Variants in SNX29 observed in about 807,000 individuals in gnomAD.
The protein encoded by SNX29 is sorting nexin-29.
SNX29 carries 78 observed loss-of-function variants against 102.1 expected under a neutral mutation model. The observed-to-expected ratio is 0.76, with a 90% confidence interval of 0.64 to 0.92. The LOEUF (loss-of-function observed/expected upper bound fraction) is 0.92, where lower values mean the gene tolerates loss of function less well. Ranked by LOEUF, SNX29 falls within the 40% of genes least tolerant of loss-of-function variation. The pLI, the probability that SNX29 is intolerant of heterozygous loss-of-function variation, is 0.00. For synonymous variants in SNX29, 580 were observed against 414.5 expected (o/e 1.40, Z -4.85); for missense variants, 1,280 against 1,061.7 (o/e 1.21, Z -2.86).
chr16:12,435,716 C>G (rs1312280994), intron 18 of SNX29, among the ~76,000 whole-genome samples: 2 of 152,178 alleles, frequency 1.3e-5, no homozygotes, highest in Non-Finnish European at 2.9e-5. Flanking sequence ...TTGCTTTGCT[C>G]CTAGAAGGCC....
At chr16:12,370,951 C>G (rs1356491105) in intron 16 of SNX29, among the ~76,000 whole-genome samples, 1 of 152,234 alleles carries the variant, frequency 6.6e-6, no homozygotes, top group African/African-American at 2.4e-5. Flanking sequence ...ATAACCTCTT[C>G]TTGAGGGGTG....
intron 19 of SNX29, among the ~76,000 whole-genome samples, chr16:12,520,459 A>C (rs1479572181): frequency 6.6e-6 from 1 of 152,206 alleles, no homozygotes; most frequent in Admixed American, 6.5e-5. Flanking sequence ...CCCTTTGTGC[A>C]AGTTCCTCAC....
intron 8 of SNX29, chr16:12,052,884 A>G (rs1476236487): frequency 3.2e-5 from 5 of 154,050 alleles, no homozygotes; most frequent in Non-Finnish European, 7.2e-5. Context: ...ACTTGCCACT[A>G]GCACAGGAAG....
chr16:12,185,543 G>C (rs2141863439), intron 13 of SNX29, among the ~76,000 whole-genome samples: 1 of 152,250 alleles, frequency 6.6e-6, no homozygotes, highest in South Asian at 2.1e-4. Context: ...TTGGATACGT[G>C]GTGATGGTCC....
intron 14 of SNX29, among the ~76,000 whole-genome samples, chr16:12,242,361 A>C (rs1010892355): frequency 7.5e-6 from 1 of 132,548 alleles, no homozygotes; most frequent in Non-Finnish European, 1.6e-5. Flanking sequence ...TAATATATAT[A>C]TATATATTTT....
At chr16:12,539,884 C>CTGTT (rs1330480641) in intron 20 of SNX29, among the ~76,000 whole-genome samples, 4 of 152,142 alleles carry the variant, frequency 2.6e-5, no homozygotes, top group African/African-American at 9.7e-5. Flanking sequence ...AGAAACTAGG[C>CTGTT]TGTTTGTGGT....
At chr16:12,280,319 A>C (rs964634369) in intron 15 of SNX29, among the ~76,000 whole-genome samples, 3 of 152,142 alleles carry the variant, frequency 2.0e-5, no homozygotes, top group African/African-American at 7.2e-5. Context: ...TGCTTTGACC[A>C]TGTGAAAATC....
chr16:12,502,736 T>C (rs2089185900), intron 19 of SNX29, among the ~76,000 whole-genome samples: 1 of 152,244 alleles, frequency 6.6e-6, no homozygotes, highest in Non-Finnish European at 1.5e-5. Flanking sequence ...AAATGTGAAC[T>C]TAGATGACAA....
chr16:12,035,589 T>G (rs2057451831), intron 4 of SNX29, among the ~76,000 whole-genome samples: 1 of 152,304 alleles, frequency 6.6e-6, no homozygotes, highest in East Asian at 1.9e-4. Context: ...GTGACAGATT[T>G]GGGAGCACTT....
Position 12,573,259 on chromosome 16 carries a change from T to G in SNX29, c.*4630T>G, listed in dbSNP as rs542340378. On this transcript the variant is annotated 3_prime_UTR_variant, in exon 21 of 21. Transcript: ENST00000566228. The stretch of plus-strand genomic sequence containing the variant: ...TGTTGAAATGTACCTCGATCAGTCA[T>G]CTCTGGTATTCCTCACTCTAGCCAT... 5.3e-5 allele frequency: 12 copies of G among 227,410 alleles called. No homozygotes were observed. The East Asian group carries it at 7.6e-4, about 14-fold the overall frequency. The allele number at this position is 227,410 out of a possible 1,614,324, so 14.1% of individuals were successfully genotyped here.
Position 12,573,532 on chromosome 16 carries a change from G to A in SNX29, c.*4903G>A. The A allele has an allele frequency of 4.4e-6, 1 of 224,880 alleles. No individual in the cohort carries two copies. The highest frequency in any genetic ancestry group is 8.9e-6 in the Non-Finnish European group (1 of 112,820). 13.9% of individuals were successfully genotyped at this position (224,880 alleles called of 1,614,324 possible). Reference sequence around the variant, plus strand: ...AGGCCCAGGGATTTAGTTCTTACTGGTGCGTAAGTGTTTTCCCATCCTAAC... The same window carrying A: ...AGGCCCAGGGATTTAGTTCTTACTGATGCGTAAGTGTTTTCCCATCCTAAC... On this transcript the variant is annotated 3_prime_UTR_variant, in exon 21 of 21. Coordinates refer to ENST00000566228, the MANE Select transcript of SNX29 (RefSeq NM_032167.5).
chr16:12,093,208 C>T (rs13336687), intron 11 of SNX29, among the ~76,000 whole-genome samples: 34,822 of 152,146 alleles, frequency 0.23, 4,029 homozygotes, highest in African/African-American at 0.27. Context: ...CTGCACTTTA[C>T]ACATCCTTTA....
chr16:11,994,653 T>G lies in SNX29; in HGVS notation c.8-4644T>G, dbSNP rs138644328. On this transcript the variant is annotated intron_variant, in intron 1 of 20. Transcript: ENST00000566228. ...CTTTGTCAAGGATTAAATAGGTCAT[T>G]TAATGACTTAGCCTGTGGTTGGGAT... Among the ~76,000 whole-genome samples, 6 of 152,346 alleles carry G rather than the reference T, an allele frequency of 3.9e-5. No individual in the cohort carries two copies. The East Asian group carries it at 1.2e-3, about 29-fold the overall frequency.
chr16:12,517,829 G>A (rs1036096193), intron 19 of SNX29, among the ~76,000 whole-genome samples: 2 of 152,076 alleles, frequency 1.3e-5, no homozygotes, highest in Non-Finnish European at 2.9e-5. Flanking sequence ...GACCTCCACT[G>A]GCATGTCCCG....
intron 11 of SNX29, among the ~76,000 whole-genome samples, chr16:12,099,492 T>G (rs887472922): frequency 6.6e-6 from 1 of 152,186 alleles, no homozygotes; most frequent in African/African-American, 2.4e-5. Flanking sequence ...CAGTATTTAG[T>G]GACCTAAACA....
intron 17 of SNX29, 58 bp downstream of exon 17, chr16:12,398,559 C>T: frequency 6.3e-7 from 1 of 1,591,290 alleles, no homozygotes; most frequent in Non-Finnish European, 8.6e-7. Flanking sequence ...CTGTTGTTGG[C>T]TTCTGTCCCA....
chr16:12,403,977 G>A (rs181873100), intron 18 of SNX29, among the ~76,000 whole-genome samples: 42 of 152,254 alleles, frequency 2.8e-4, no homozygotes, highest in Admixed American at 1.2e-3. Flanking sequence ...TTCTCAGCCT[G>A]GAAGGGCGGG....
chr16:12,483,112 A>G (rs1399264430), intron 19 of SNX29, among the ~76,000 whole-genome samples: 1 of 71,460 alleles, frequency 1.4e-5, no homozygotes, highest in African/African-American at 6.0e-5. Context: ...TGAAGTTATT[A>G]AGTTTTTTTT....
intron 18 of SNX29, among the ~76,000 whole-genome samples, chr16:12,404,058 G>A (rs1034642128): frequency 1.3e-5 from 2 of 152,146 alleles, no homozygotes; most frequent in African/African-American, 2.4e-5. Flanking sequence ...TCTGTGACTG[G>A]CCTGATTCAG....
Sources: gnomAD v4.1 joint callset for allele counts (sites outside exome capture counted in the v4.1 genomes callset) on GRCh38, gnomAD v4.1.1 for gene constraint, MANE v1.5 for transcripts, NCBI Gene and HGNC (gene_info 2026-07-23, HGNC 2026-07-21) for gene names.